RAP1A: variants seen among roughly 807,000 people sequenced by gnomAD.
The protein encoded by RAP1A is ras-related protein Rap-1A.
RAP1A carries 6 observed loss-of-function variants against 26.4 expected under a neutral mutation model. The observed-to-expected ratio is 0.23, with a 90% CI of 0.12 to 0.45. The LOEUF (loss-of-function observed/expected upper bound fraction) is 0.45, where lower values mean the gene tolerates loss of function less well. Ranked by LOEUF, RAP1A falls within the 20% of genes least tolerant of loss-of-function variation. The pLI, the probability that RAP1A is intolerant of heterozygous loss-of-function variation, is 0.99. For synonymous variants in RAP1A, 73 were observed against 79.4 expected (o/e 0.92, Z 0.43); for missense variants, 121 against 217.2 (o/e 0.56, Z 2.78).
At chr1:111,666,605 T>C (rs12733299) in intron 1 of RAP1A, among the ~76,000 whole-genome samples, 11,095 of 152,046 alleles carry the variant, frequency 0.073, 469 homozygotes, top group African/African-American at 0.13. Context: ...TTGAATGATA[T>C]TCAGCAGTCT....
chr1:111,667,250 C>T (rs1036750680), intron 1 of RAP1A, among the ~76,000 whole-genome samples: 7 of 152,096 alleles, frequency 4.6e-5, no homozygotes, highest in African/African-American at 1.7e-4. Flanking sequence ...CCTGTTTCTC[C>T]ACTCTTTAAA....
intron 1 of RAP1A, among the ~76,000 whole-genome samples, chr1:111,660,767 G>A (rs1049615835): frequency 2.0e-4 from 30 of 152,166 alleles, no homozygotes; most frequent in African/African-American, 7.2e-4. Flanking sequence ...CCTGTATTTA[G>A]CTCTCTATTT....
rs1418861118 is a variant in RAP1A, at chr1:111,716,288, T to A, written c.*3887T>A. ...GGTCTAACTACCCAGCTTTTAGTAT[T>A]TATGTTCCCCAAAATGTAAAAACTG... On this transcript the variant is annotated 3_prime_UTR_variant, in exon 8 of 8. Coordinates refer to ENST00000369709, the MANE Select transcript of RAP1A (RefSeq NM_002884.4). 1 of 152,210 alleles carries A rather than the reference T, an allele frequency of 6.6e-6. No homozygotes were observed. Among genetic ancestry groups the A allele is most frequent in the Non-Finnish European group, 1.5e-5 (1 of 68,032 alleles). 9.4% of individuals were successfully genotyped at this position (152,210 alleles called of 1,614,324 possible).
chr1:111,565,121 G>A (rs1657889199), intron 1 of RAP1A, among the ~76,000 whole-genome samples: 1 of 152,140 alleles, frequency 6.6e-6, no homozygotes, highest in Admixed American at 6.5e-5. Flanking sequence ...CAGGCACAGA[G>A]AACATAATGC....
intron 1 of RAP1A, among the ~76,000 whole-genome samples, chr1:111,584,969 A>AAAGTAAAAT (rs1658334216): frequency 6.6e-6 from 1 of 152,212 alleles, no homozygotes; most frequent in South Asian, 2.1e-4. Context: ...TCATTTTCAC[A>AAAGTAAAAT]CCCTTTACTG....
At chr1:111,659,807 A>G (rs772411279) in intron 1 of RAP1A, among the ~76,000 whole-genome samples, 10 of 152,038 alleles carry the variant, frequency 6.6e-5, no homozygotes, top group Admixed American at 2.6e-4. Context: ...AATTTGCAGT[A>G]TACATTTACA....
At chr1:111,694,322 G>C (rs1443573336) in intron 2 of RAP1A, among the ~76,000 whole-genome samples, 1 of 152,180 alleles carries the variant, frequency 6.6e-6, no homozygotes, top group African/African-American at 2.4e-5. Flanking sequence ...CTTAGTAGGA[G>C]AAAGAAGTTT....
intron 1 of RAP1A, among the ~76,000 whole-genome samples, chr1:111,665,173 A>G (rs1210414710): frequency 6.6e-6 from 1 of 152,236 alleles, no homozygotes; most frequent in Non-Finnish European, 1.5e-5. Flanking sequence ...CTTTCCCTTC[A>G]AGGAAAGGTT....
In RAP1A at chr1:111,711,671, C is replaced by T. The variant is rs577669522; in HGVS notation, c.*30-760C>T. On this transcript the variant is annotated intron_variant, in intron 7 of 7. Coordinates refer to ENST00000369709, the MANE Select transcript of RAP1A (RefSeq NM_002884.4). ...GTAGATTTGAAGTGCCATGTTGTTC[C>T]TGTACTTTTAAAAGTACTGAGATAC... is the stretch of plus-strand genomic sequence containing the variant. 5.9e-5 allele frequency among the ~76,000 whole-genome samples: 9 copies of T among 152,310 alleles called. No individual in the cohort carries two copies. In the South Asian group the frequency reaches 1.4e-3, roughly 25 times the overall value.
At chr1:111,564,002 ACATT>A in intron 1 of RAP1A, 2 of 1,353,344 alleles carry the variant, frequency 1.5e-6, no homozygotes, top group Non-Finnish European at 2.1e-6. Flanking sequence ...TCCAACAGCC[ACATT>A]CCACCCATCC....
At chr1:111,616,975 A>G (rs1002715417), upstream of RAP1A, among the ~76,000 whole-genome samples, 1 of 152,202 alleles carries the variant, frequency 6.6e-6, no homozygotes, top group African/African-American at 2.4e-5. Context: ...CAGCCAGTAC[A>G]TATGGCACTC....
intron 1 of RAP1A, among the ~76,000 whole-genome samples, chr1:111,575,221 T>A (rs982740544): frequency 6.6e-6 from 1 of 152,124 alleles, no homozygotes; most frequent in Non-Finnish European, 1.5e-5. Flanking sequence ...TGATCACGGC[T>A]CACTGCAACT....
chr1:111,709,602 G>T (rs551094798), intron 7 of RAP1A, among the ~76,000 whole-genome samples: 67 of 152,166 alleles, frequency 4.4e-4, no homozygotes, highest in African/African-American at 1.5e-3. Context: ...AACAGTAGTT[G>T]CTCTGAAAAA....
intron 2 of RAP1A, among the ~76,000 whole-genome samples, chr1:111,693,897 C>CT (rs11431985): frequency 0.16 from 22,619 of 145,490 alleles, 1,817 homozygotes; most frequent in East Asian, 0.21. Flanking sequence ...ATTAGACTGC[C>CT]TTTTTTTTTT....
intron 1 of RAP1A, among the ~76,000 whole-genome samples, chr1:111,650,093 CTTTTTTTTT>C (rs57681662): frequency 7.9e-5 from 6 of 75,848 alleles, no homozygotes; most frequent in African/African-American, 3.0e-4. Flanking sequence ...TGGTAGAGTG[CTTTTTTTTT>C]TTTTTTTTTT....
At chr1:111,614,040 G>A (rs1658974258) in intron 1 of RAP1A, among the ~76,000 whole-genome samples, 3 of 152,146 alleles carry the variant, frequency 2.0e-5, no homozygotes, top group Non-Finnish European at 4.4e-5. Context: ...ATATAGTAAT[G>A]AATAAAGCAA....
chr1:111,702,390 T>C (rs374131264), intron 4 of RAP1A, among the ~76,000 whole-genome samples: 1 of 152,270 alleles, frequency 6.6e-6, no homozygotes, highest in East Asian at 1.9e-4. Flanking sequence ...GTAATGATTG[T>C]CACCAAATAA....
At chr1:111,557,072 T>G (rs1657522709) in intron 1 of RAP1A, among the ~76,000 whole-genome samples, 1 of 151,900 alleles carries the variant, frequency 6.6e-6, no homozygotes, top group Admixed American at 6.6e-5. Flanking sequence ...AATGTCTTTG[T>G]AAAACCACAG....
chr1:111,618,880 A>C (rs1406941284), upstream of RAP1A, among the ~76,000 whole-genome samples: 2 of 152,250 alleles, frequency 1.3e-5, no homozygotes, highest in African/African-American at 4.8e-5. Context: ...CTGCCAGGCT[A>C]GTTAGTCCAA....
Sources: gnomAD v4.1 joint callset for allele counts (sites outside exome capture counted in the v4.1 genomes callset) on GRCh38, gnomAD v4.1.1 for gene constraint, MANE v1.5 for transcripts, NCBI Gene and HGNC (gene_info 2026-07-23, HGNC 2026-07-21) for gene names.